Variants in PDE4D observed in about 807,000 individuals in gnomAD.
PDE4D encodes the protein 3',5'-cyclic-AMP phosphodiesterase 4D.
In PDE4D, 24 loss-of-function variants were observed where a neutral mutation model predicts 87.4. The observed-to-expected ratio is 0.27, with a 90% CI of 0.20 to 0.39. PDE4D has a LOEUF of 0.39. PDE4D is among the 10% of genes least tolerant of loss of function. The pLI is 1.00. For synonymous variants in PDE4D, 384 were observed against 383.2 expected, an observed-to-expected ratio of 1.00 and a Z score of -0.02; for missense variants, 714 against 1,041.0, an observed-to-expected ratio of 0.69 and a Z score of 4.32.
chr5:60,105,790 T>A (rs3989105), intron 2 of PDE4D, among the ~76,000 whole-genome samples: 1 of 151,792 alleles, frequency 6.6e-6, no homozygotes, highest in South Asian at 2.1e-4. Flanking sequence ...AGAAATAAAA[T>A]CCTTTACAGA....
At chr5:60,400,205 G>A (rs1040114937) in intron 1 of PDE4D, among the ~76,000 whole-genome samples, 2 of 152,148 alleles carry the variant, frequency 1.3e-5, no homozygotes, top group Admixed American at 6.5e-5. Flanking sequence ...GAAGTGGATG[G>A]GACTGGGGTT....
chr5:60,360,504 C>CCA (rs1431457401), intron 1 of PDE4D, among the ~76,000 whole-genome samples: 3 of 152,180 alleles, frequency 2.0e-5, no homozygotes, highest in Non-Finnish European at 4.4e-5. Context: ...CAGCTTACCA[C>CCA]CACACACATC....
chr5:59,159,125 T>C (rs1974842), intron 5 of PDE4D, among the ~76,000 whole-genome samples: 1 of 61,184 alleles, frequency 1.6e-5, no homozygotes. Context: ...CTCCTCTGAA[T>C]TCTTACGATA....
chr5:59,195,142 G>A (rs1476802336), intron 2 of PDE4D, among the ~76,000 whole-genome samples: 1 of 152,090 alleles, frequency 6.6e-6, no homozygotes, highest in African/African-American at 2.4e-5. Flanking sequence ...CTCTAGAACT[G>A]TAAGATATAA....
chr5:60,163,677 T>G (rs1299891868), intron 2 of PDE4D, among the ~76,000 whole-genome samples: 1 of 152,206 alleles, frequency 6.6e-6, no homozygotes, highest in Non-Finnish European at 1.5e-5. Context: ...GACTTCTTTA[T>G]GGGGTGTGCC....
chr5:60,181,949 T>C (rs1473855953), intron 2 of PDE4D, among the ~76,000 whole-genome samples: 1 of 152,178 alleles, frequency 6.6e-6, no homozygotes, highest in Non-Finnish European at 1.5e-5. Context: ...CTCTTGTCTG[T>C]ACCTTTCCTT....
chr5:59,740,667 G>A (rs1758706419), intron 1 of PDE4D, among the ~76,000 whole-genome samples: 1 of 152,148 alleles, frequency 6.6e-6, no homozygotes, highest in Admixed American at 6.5e-5. Context: ...CTAAGAACAA[G>A]GAGATAATGA....
intron 6 of PDE4D, among the ~76,000 whole-genome samples, chr5:59,022,622 T>A (rs891924846): frequency 6.6e-6 from 1 of 152,182 alleles, no homozygotes; most frequent in African/African-American, 2.4e-5. Flanking sequence ...TTCTCAGATC[T>A]GCTTTAGTCA....
At chr5:60,081,710 G>A (rs985155815) in intron 2 of PDE4D, among the ~76,000 whole-genome samples, 2 of 152,096 alleles carry the variant, frequency 1.3e-5, no homozygotes, top group Non-Finnish European at 2.9e-5. Context: ...TTTTGAGTGA[G>A]TTTCTTAATC....
At chr5:59,098,755 AAACAGG>A (rs1770228096) in intron 5 of PDE4D, among the ~76,000 whole-genome samples, 1 of 151,828 alleles carries the variant, frequency 6.6e-6, no homozygotes, top group South Asian at 2.1e-4. Flanking sequence ...AATAATCTAG[AAACAGG>A]TCAAGGTTGG....
At chr5:60,108,414 C>T (rs1272712215) in intron 2 of PDE4D, among the ~76,000 whole-genome samples, 2 of 152,198 alleles carry the variant, frequency 1.3e-5, no homozygotes, top group African/African-American at 2.4e-5. Flanking sequence ...GAATCAATAT[C>T]GTGAAAATGG....
At chr5:59,615,505 A>G in intron 1 of PDE4D, among the ~76,000 whole-genome samples, 1 of 152,360 alleles carries the variant, frequency 6.6e-6, no homozygotes, top group South Asian at 2.1e-4. Context: ...AAAGTGGGTA[A>G]AGAGTCAAAT....
chr5:59,685,325 T>A (rs1473671924), intron 1 of PDE4D, among the ~76,000 whole-genome samples: 2 of 152,208 alleles, frequency 1.3e-5, no homozygotes, highest in African/African-American at 4.8e-5. Flanking sequence ...GATCATTTCT[T>A]CCAGCTCTTC....
intron 1 of PDE4D, among the ~76,000 whole-genome samples, chr5:60,470,314 T>C (rs1053445607): frequency 6.6e-6 from 1 of 152,174 alleles, no homozygotes. Context: ...TTTAATAAAA[T>C]AAACTGTTTC....
chr5:59,177,988 G>T (rs1784160973), intron 5 of PDE4D, among the ~76,000 whole-genome samples: 1 of 152,064 alleles, frequency 6.6e-6, no homozygotes, highest in Non-Finnish European at 1.5e-5. Flanking sequence ...CCACAGTACA[G>T]CCAGGTTCCA....
At chr5:60,054,461 C>T (rs1272859652) in intron 2 of PDE4D, among the ~76,000 whole-genome samples, 1 of 152,060 alleles carries the variant, frequency 6.6e-6, no homozygotes, top group African/African-American at 2.4e-5. Context: ...TGTTCTCACT[C>T]ATAAGTGGGA....
chr5:59,245,383 G>A (rs1289656961), intron 1 of PDE4D, among the ~76,000 whole-genome samples: 2 of 152,120 alleles, frequency 1.3e-5, no homozygotes, highest in South Asian at 2.1e-4. Flanking sequence ...TATCATATAA[G>A]CCTCCTTGAG....
intron 1 of PDE4D, among the ~76,000 whole-genome samples, chr5:59,447,486 C>T (rs575038270): frequency 1.3e-5 from 2 of 152,294 alleles, no homozygotes; most frequent in African/African-American, 4.8e-5. Context: ...CCTCCAAGGG[C>T]CCACCACTGA....
At chr5:59,340,530 C>T (rs1271849855) in intron 1 of PDE4D, among the ~76,000 whole-genome samples, 1 of 152,142 alleles carries the variant, frequency 6.6e-6, no homozygotes, top group Non-Finnish European at 1.5e-5. Flanking sequence ...CTTTGTGTTA[C>T]AAACAATCCA....
Sources: allele counts gnomAD v4.1 joint callset (sites outside exome capture counted in the v4.1 genomes callset), GRCh38; gene constraint gnomAD v4.1.1; transcripts MANE v1.5; gene names NCBI Gene and HGNC (gene_info 2026-07-23, HGNC 2026-07-21).